The following CLCN1 variants were observed in gnomAD, a reference collection of about 807,000 sequenced individuals.
CLCN1 encodes chloride voltage-gated channel 1.
Under a neutral mutation model 114.5 loss-of-function variants are expected in CLCN1, and 100 were observed. The ratio of observed to expected loss-of-function variants is 0.87; its 90% CI spans 0.74 to 1.03. The LOEUF (loss-of-function observed/expected upper bound fraction) is 1.03, where lower values mean the gene tolerates loss of function less well. Among genes scored for constraint, CLCN1 ranks in the 50% least tolerant of loss-of-function variants. The pLI is 0.00. For missense variants in CLCN1, 1,188 were observed against 1,250.0 expected, an observed-to-expected ratio of 0.95 and a Z score of 0.75; for synonymous variants, 485 against 487.1, an observed-to-expected ratio of 1.00 and a Z score of 0.06.
chr7:143,335,656 G>GTTTTTTTTT lies in CLCN1; in HGVS notation c.1401+2787_1401+2788insTTTTTTTTT, dbSNP rs199928109. 1.3e-3 allele frequency among the ~76,000 whole-genome samples: 135 copies of GTTTTTTTTT among 107,192 alleles called. 2 individuals carry two copies. Among genetic ancestry groups the GTTTTTTTTT allele is most frequent in the Middle Eastern group, 5.7e-3 (1 of 176 alleles). 70.3% of individuals were successfully genotyped at this position (107,192 alleles called of 152,430 possible). On this transcript the variant is annotated intron_variant, in intron 12 of 22. Transcript: ENST00000343257. ...GGCAGGTAAGATTCTCAATTCAGCT[G>GTTTTTTTTT]TTTTGTTTTTTTTTTTTTTTTGATT...
chr7:143,349,173 ATGGT>A (rs1241653828), intron 20 of CLCN1, among the ~76,000 whole-genome samples: 1 of 152,230 alleles, frequency 6.6e-6, no homozygotes, highest in Non-Finnish European at 1.5e-5. Flanking sequence ...GGACCAAACC[ATGGT>A]TGGCAAGGTC....
intron 6 of CLCN1, chr7:143,323,956 G>A (rs1802517725): frequency 6.9e-6 from 3 of 437,814 alleles, no homozygotes; most frequent in Admixed American, 4.9e-5. Flanking sequence ...GGGGGTTTTG[G>A]GTGGCTGCCA....
intron 12 of CLCN1, among the ~76,000 whole-genome samples, chr7:143,336,097 C>T (rs567141689): frequency 6.6e-6 from 1 of 152,130 alleles, no homozygotes; most frequent in African/African-American, 2.4e-5. Context: ...TCTCAGTTTG[C>T]TTTTAATAAG....
intron 1 of CLCN1, among the ~76,000 whole-genome samples, chr7:143,319,477 G>T (rs1802369523): frequency 1.3e-5 from 2 of 152,184 alleles, no homozygotes; most frequent in Non-Finnish European, 2.9e-5. Context: ...GCAAAAACTG[G>T]CCTCCTTGAT....
At chr7:143,319,319 C>T (rs1464472439) in intron 1 of CLCN1, among the ~76,000 whole-genome samples, 1 of 152,144 alleles carries the variant, frequency 6.6e-6, no homozygotes, top group Non-Finnish European at 1.5e-5. Context: ...CTAGTTAGCC[C>T]AGTCTGTCCT....
chr7:143,336,649 G>C (rs1325491117), intron 12 of CLCN1, among the ~76,000 whole-genome samples: 1 of 74,530 alleles, frequency 1.3e-5, no homozygotes, highest in East Asian at 3.8e-4. Context: ...AAAAAAGGAA[G>C]GAAGGAAGGG....
rs777104046 is a variant in CLCN1, at chr7:143,330,782, T to A, written c.864T>A (p.Phe288Leu). 2 of 1,614,118 alleles carry A rather than the reference T, an allele frequency of 1.2e-6. No homozygotes were observed. The highest frequency in any genetic ancestry group is 1.7e-4 in the Middle Eastern group (1 of 6,040). Residue 288 changes from phenylalanine to leucine, a missense_variant, in exon 8 of 23, where the codon TTT becomes TTA. Phe to Leu is a conservative substitution (Grantham distance 22). Transcript: ENST00000343257. ...TCTGTGCCCCTGCAGGAGTGCTATT[T>A]AGCATCGAGGTCACCTCCACCTACT... ...CFGTPLGGVL[F>L]SIEVTSTYFA...
At chr7:143,327,251 A>AAAAAAAAGAAAG (rs1802600253) in intron 7 of CLCN1, among the ~76,000 whole-genome samples, 1 of 14,902 alleles carries the variant, frequency 6.7e-5, no homozygotes, top group Admixed American at 1.6e-3. Flanking sequence ...CCATCTTAAA[A>AAAAAAAAGAAAG]AAAAAAAAAA....
Position 143,324,355 on chromosome 7 carries a change from C to T in CLCN1, c.775-59C>T, listed in dbSNP as rs1310739145. 7 of 1,281,004 alleles carry T rather than the reference C, an allele frequency of 5.5e-6. No individual in the cohort carries two copies. The African/African-American group carries it at 1.0e-4, about 19-fold the overall frequency. The allele number at this position is 1,281,004 out of a possible 1,614,324, so 79.4% of individuals were successfully genotyped here. ...ATTCCCCATCCCTGCTTGTTCTGTC[C>T]TCTGCCTGCCCACCTCCCTCTCTTC... On this transcript the variant is annotated intron_variant, in intron 6 of 22. Coordinates refer to ENST00000343257, the MANE Select transcript of CLCN1 (RefSeq NM_000083.3). The surrounding 1 kb of genome is among the most constrained non-coding windows in gnomAD (Gnocchi z 4.6).
At position 143,317,871 on chromosome 7, in the gene CLCN1, CT is replaced by C. The variant is rs1441402676; in HGVS notation, c.180+1480del. On this transcript the variant is annotated intron_variant, in intron 1 of 22. Coordinates refer to ENST00000343257, the MANE Select transcript of CLCN1 (RefSeq NM_000083.3). ...TCAGCAGGAGGGAAGACCCCTCCCC[CT>C]GGCCCTGTGTTCTCACTCGTGTACA... Among the ~76,000 whole-genome samples, 15 of 152,232 alleles carry C rather than the reference CT, an allele frequency of 9.9e-5. No homozygotes were observed. The East Asian group carries it at 1.7e-3, about 18-fold the overall frequency.
Position 143,323,374 on chromosome 7 carries a change from C to T in CLCN1, c.762C>T (p.Cys254=), listed in dbSNP as rs772027125. The change falls in exon 6 of 23, where the codon TGC becomes TGT. Residue 254 remains cysteine (C), a synonymous_variant. Transcript: ENST00000343257. The stretch of plus-strand genomic sequence containing the variant: ...TCAGCAAATTCATGTCTGTGTTCTG[C>T]GGGGTATATGAGGTAAGGTTGAGAC... ...AVLSKFMSVF[C]GVYEQPYYYS... is the part of the protein sequence containing the mutation. The T allele has an allele frequency of 3.4e-5, 55 of 1,612,064 alleles. No individual in the cohort carries two copies. In the Admixed American group the frequency reaches 3.8e-4, roughly 11 times the overall value.
chr7:143,347,002 T>C (rs1803267689), intron 20 of CLCN1, 53 bp downstream of exon 20: 2 of 1,447,260 alleles, frequency 1.4e-6, no homozygotes, highest in African/African-American at 1.4e-5. Flanking sequence ...AATGAAGATA[T>C]TGCTAATTTG....
chr7:143,343,778 C>T (rs1409724723), intron 16 of CLCN1, among the ~76,000 whole-genome samples: 2 of 150,856 alleles, frequency 1.3e-5, no homozygotes, highest in East Asian at 1.9e-4. Context: ...CTCTTTCCCT[C>T]TCTCTCTCTT....
rs764008218 is a variant in CLCN1, at chr7:143,332,704, T to G, written c.1252-20T>G. On this transcript the variant is annotated intron_variant, in intron 11 of 22. Transcript: ENST00000343257. ...GGAGTTCCCTGGAGAACCCACCCTT[T>G]CTGCTTCTTCCTCTCCCAGTTGATG... 1 of 1,613,710 alleles carries G rather than the reference T, an allele frequency of 6.2e-7. No homozygotes were observed. Among genetic ancestry groups the G allele is most frequent in the South Asian group, 1.1e-5 (1 of 91,068 alleles).
intron 12 of CLCN1, among the ~76,000 whole-genome samples, chr7:143,337,782 C>T (rs1802946035): frequency 7.9e-6 from 1 of 126,894 alleles, no homozygotes; most frequent in Admixed American, 8.2e-5. Context: ...CACAACTAGC[C>T]TTTTTTCCAT....
At chr7:143,351,239 A>G (rs1803390635) in intron 22 of CLCN1, among the ~76,000 whole-genome samples, 1 of 151,492 alleles carries the variant, frequency 6.6e-6, no homozygotes, top group South Asian at 2.1e-4. Context: ...TGGGTTTGAG[A>G]TGGGGGTTCC....
chr7:143,332,568 C>T (rs1586499119), intron 11 of CLCN1, 65 bp downstream of exon 11: 1 of 1,526,256 alleles, frequency 6.6e-7, no homozygotes, highest in Non-Finnish European at 9.1e-7. Context: ...GGCTTCAGAG[C>T]ATAAGTAGTT....
intron 1 of CLCN1, among the ~76,000 whole-genome samples, chr7:143,319,110 T>C (rs1337441266): frequency 6.6e-6 from 1 of 152,166 alleles, no homozygotes; most frequent in East Asian, 1.9e-4. Context: ...TGCTCTGTCC[T>C]CTTCACATGT....
chr7:143,329,205 A>T (rs1302881185), intron 7 of CLCN1, among the ~76,000 whole-genome samples: 3 of 151,992 alleles, frequency 2.0e-5, no homozygotes, highest in Non-Finnish European at 4.4e-5. Context: ...TGACTTCATG[A>T]TCCCCCTGCC....
Sources: gnomAD v4.1 joint callset for allele counts (sites outside exome capture counted in the v4.1 genomes callset) on GRCh38, gnomAD v4.1.1 for gene constraint, Gnocchi (gnomAD v3.1) non-coding constraint, MANE v1.5 for transcripts, NCBI Gene and HGNC (gene_info 2026-07-23, HGNC 2026-07-21) for gene names.